Variants in LDAH observed in about 807,000 individuals in gnomAD.
The protein encoded by LDAH is lipid droplet associated hydrolase, also known as lipid droplet-associated hydrolase.
In LDAH, 26 loss-of-function variants were observed where a neutral mutation model predicts 29.6. That is an observed-to-expected ratio of 0.88 (90% CI 0.64 to 1.22). The LOEUF (loss-of-function observed/expected upper bound fraction) is 1.22. LDAH is among the 50% of genes most tolerant of loss of function. The pLI is 0.00. For missense variants in LDAH, 344 were observed against 387.3 expected, an observed-to-expected ratio of 0.89 and a Z score of 0.94; for synonymous variants, 117 against 133.0, an observed-to-expected ratio of 0.88 and a Z score of 0.83.
intron 3 of LDAH, among the ~76,000 whole-genome samples, chr2:20,776,260 CCT>C (rs1669822304): frequency 6.6e-6 from 1 of 152,076 alleles, no homozygotes; most frequent in African/African-American, 2.4e-5. Context: ...GCTCATCTCC[CCT>C]TTTAGTCTAA....
At position 20,801,377 on chromosome 2, in the gene LDAH, C is replaced by A. The variant is rs150842113; in HGVS notation, c.87G>T (p.Gly29=). 11 of 1,613,982 alleles carry A rather than the reference C, an allele frequency of 6.8e-6. No homozygotes were observed. In the East Asian group the frequency reaches 2.2e-4, roughly 33 times the overall value. ...GGAETQVLKC[G]PWTDLFHDQS... is the part of the protein sequence containing the mutation. ...GATCATGAAAGAGGTCTGTCCAGGGCCCACATTTTAGAACCTGGGTTTCGG... is the reference window on the plus strand; with the variant it reads ...GATCATGAAAGAGGTCTGTCCAGGGACCACATTTTAGAACCTGGGTTTCGG... Residue 29 remains glycine (G), a synonymous_variant, in exon 2 of 7, where the codon GGG becomes GGT. Transcript: ENST00000237822.
At chr2:20,745,080 A>G (rs997168367) in intron 4 of LDAH, among the ~76,000 whole-genome samples, 2 of 152,190 alleles carry the variant, frequency 1.3e-5, no homozygotes, top group African/African-American at 4.8e-5. Context: ...AGCTCCCTAC[A>G]TGTGGAACTG....
chr2:20,766,862 C>T (rs568325876), intron 4 of LDAH, among the ~76,000 whole-genome samples: 27 of 152,290 alleles, frequency 1.8e-4, no homozygotes, highest in Admixed American at 1.6e-3. Flanking sequence ...GACTGTGACG[C>T]CTGCTTCGGG....
intron 1 of LDAH, among the ~76,000 whole-genome samples, chr2:20,805,894 GTAAATA>G (rs1328839062): frequency 2.9e-5 from 4 of 140,120 alleles, no homozygotes; most frequent in Non-Finnish European, 5.9e-5. Context: ...GTGATTCTAT[GTAAATA>G]TAATATTTAT....
intron 6 of LDAH, among the ~76,000 whole-genome samples, chr2:20,701,092 T>C (rs1663901219): frequency 6.6e-6 from 1 of 152,172 alleles, no homozygotes; most frequent in Non-Finnish European, 1.5e-5. Flanking sequence ...ATTCTAGTAT[T>C]TGCAGCATAA....
chr2:20,733,657 G>A (rs999464867), intron 5 of LDAH, among the ~76,000 whole-genome samples: 2 of 151,934 alleles, frequency 1.3e-5, no homozygotes, highest in Admixed American at 6.6e-5. Flanking sequence ...GCCTACCTTA[G>A]CCTCTCAAAG....
At chr2:20,692,099 ACT>A (rs1395320622) in intron 6 of LDAH, among the ~76,000 whole-genome samples, 1 of 152,104 alleles carries the variant, frequency 6.6e-6, no homozygotes, top group East Asian at 1.9e-4. Context: ...ACCAAAAATG[ACT>A]CTGATTCCAT....
intron 5 of LDAH, among the ~76,000 whole-genome samples, chr2:20,737,768 T>G (rs13386558): frequency 0.19 from 28,406 of 152,034 alleles, 2,767 homozygotes; most frequent in Non-Finnish European, 0.2. Flanking sequence ...ATTTTGAGTG[T>G]GGGCTAGGAA....
chr2:20,695,924 C>T (rs1455112288), intron 6 of LDAH, among the ~76,000 whole-genome samples: 1 of 152,178 alleles, frequency 6.6e-6, no homozygotes, highest in African/African-American at 2.4e-5. Flanking sequence ...TGAAGCTTGG[C>T]TGAGACTCTG....
intron 1 of LDAH, among the ~76,000 whole-genome samples, chr2:20,803,932 T>C (rs1167902057): frequency 6.6e-6 from 1 of 152,190 alleles, no homozygotes; most frequent in Non-Finnish European, 1.5e-5. Context: ...CAGACTGATA[T>C]ATCTCTCATG....
intron 3 of LDAH, among the ~76,000 whole-genome samples, chr2:20,787,585 C>T (rs1445020292): frequency 6.6e-6 from 1 of 152,164 alleles, no homozygotes; most frequent in Non-Finnish European, 1.5e-5. Context: ...TGAGATACCA[C>T]ACTTAGCCTC....
chr2:20,787,255 G>GA (rs1188429866), intron 3 of LDAH, among the ~76,000 whole-genome samples: 3 of 152,066 alleles, frequency 2.0e-5, no homozygotes, highest in Non-Finnish European at 4.4e-5. Flanking sequence ...AAAGGTCTAA[G>GA]AAAAATGATT....
At chr2:20,712,508 C>G (rs1307447491) in intron 5 of LDAH, among the ~76,000 whole-genome samples, 1 of 152,126 alleles carries the variant, frequency 6.6e-6, no homozygotes, top group Non-Finnish European at 1.5e-5. Context: ...TCCTCGCCAG[C>G]AATGGAACAA....
At chr2:20,817,957 A>G (rs561706082) in intron 1 of LDAH, among the ~76,000 whole-genome samples, 1 of 152,234 alleles carries the variant, frequency 6.6e-6, no homozygotes, top group South Asian at 2.1e-4. Context: ...CGGGTTAGGG[A>G]TAGGGCTGGG....
intron 1 of LDAH, among the ~76,000 whole-genome samples, chr2:20,822,505 G>A (rs896279344): frequency 6.6e-6 from 1 of 152,126 alleles, no homozygotes; most frequent in African/African-American, 2.4e-5. Context: ...AACTACTTGC[G>A]AGGGAAGATA....
chr2:20,812,584 C>T (rs1312088793), intron 1 of LDAH, among the ~76,000 whole-genome samples: 2 of 152,136 alleles, frequency 1.3e-5, no homozygotes, highest in African/African-American at 4.8e-5. Context: ...CTCCCAGTCA[C>T]CCTAATTCAA....
At chr2:20,687,356 T>C (rs186894901) in intron 6 of LDAH, among the ~76,000 whole-genome samples, 1 of 152,302 alleles carries the variant, frequency 6.6e-6, no homozygotes, top group Non-Finnish European at 1.5e-5. Context: ...CTGAAACGAC[T>C]TACCAGGAAA....
At position 20,686,787 on chromosome 2, in the gene LDAH, G is replaced by C; in HGVS notation, c.*116C>G. The C allele has an allele frequency of 1.0e-5, 10 of 958,294 alleles. No homozygotes were observed. The South Asian group carries it at 1.6e-4, about 15-fold the overall frequency. 59.4% of individuals were successfully genotyped at this position (958,294 alleles called of 1,614,324 possible). A position where few individuals can be genotyped will look rare whatever the true frequency, so the allele number is the denominator to read the frequency against. On this transcript the variant is annotated 3_prime_UTR_variant, in exon 7 of 7. Coordinates refer to ENST00000237822, the MANE Select transcript of LDAH (RefSeq NM_021925.4). ...GCGGAGAGTTGGTTTGTAAGACAAA[G>C]GTTCTCACTTTCTTCATTTCTAATA...
At chr2:20,733,886 C>A (rs1218359241) in intron 5 of LDAH, among the ~76,000 whole-genome samples, 1 of 152,128 alleles carries the variant, frequency 6.6e-6, no homozygotes, top group African/African-American at 2.4e-5. Context: ...ATTTTTGACT[C>A]ATGAGTTGTT....
Sources: gnomAD v4.1 joint callset for allele counts (sites outside exome capture counted in the v4.1 genomes callset) on GRCh38, gnomAD v4.1.1 for gene constraint, MANE v1.5 for transcripts, NCBI Gene and HGNC (gene_info 2026-07-23, HGNC 2026-07-21) for gene names.